EPS15: variants seen among roughly 807,000 people sequenced by gnomAD.
EPS15 encodes epidermal growth factor receptor pathway substrate 15.
In EPS15, 72 loss-of-function variants were observed where a neutral mutation model predicts 113.8. The observed-to-expected ratio is 0.63, with a 90% confidence interval of 0.52 to 0.77. EPS15 has a LOEUF of 0.77. Ranked by LOEUF, EPS15 falls within the 30% of genes least tolerant of loss-of-function variation. The pLI, the probability that EPS15 is intolerant of heterozygous loss-of-function variation, is 0.00. For synonymous variants in EPS15, 344 were observed against 363.4 expected, an observed-to-expected ratio of 0.95 and a Z score of 0.61; for missense variants, 1,048 against 1,045.8, an observed-to-expected ratio of 1.00 and a Z score of -0.03.
chr1:51,428,826 C>CA (rs902706524), intron 12 of EPS15, among the ~76,000 whole-genome samples: 6,768 of 52,626 alleles, frequency 0.13, 441 homozygotes, highest in Admixed American at 0.16. Context: ...GACTCCATCT[C>CA]AAAAAAAAAA....
chr1:51,453,612 G>T (rs1225887749), intron 8 of EPS15, among the ~76,000 whole-genome samples: 4 of 151,996 alleles, frequency 2.6e-5, no homozygotes, highest in Non-Finnish European at 5.9e-5. Context: ...ACTTAAGGAA[G>T]AAGCATTTAG....
intron 13 of EPS15, among the ~76,000 whole-genome samples, chr1:51,417,049 C>T (rs1448763935): frequency 2.0e-5 from 3 of 151,922 alleles, no homozygotes; most frequent in Non-Finnish European, 4.4e-5. Context: ...TAGAAAACCC[C>T]ATTAACAGAC....
At chr1:51,403,348 T>G in intron 17 of EPS15, 71 bp downstream of exon 17, 1 of 779,798 alleles carries the variant, frequency 1.3e-6, no homozygotes, top group Non-Finnish European at 2.2e-6. Flanking sequence ...TTAAGTAATG[T>G]CTGATAATTC....
chr1:51,458,415 A>C (rs1373499460), intron 8 of EPS15: 2 of 272,546 alleles, frequency 7.3e-6, no homozygotes, highest in African/African-American at 4.7e-5. Flanking sequence ...AAATGATGAC[A>C]CTACTATTCC....
intron 14 of EPS15, among the ~76,000 whole-genome samples, chr1:51,408,761 G>T (rs1649391930): frequency 1.3e-5 from 2 of 150,912 alleles, no homozygotes; most frequent in South Asian, 4.2e-4. Flanking sequence ...TCGAGTAGGT[G>T]GGATTACAGA....
chr1:51,454,734 T>G (rs988828403), intron 8 of EPS15, among the ~76,000 whole-genome samples: 3 of 152,178 alleles, frequency 2.0e-5, no homozygotes, highest in South Asian at 4.1e-4. Flanking sequence ...GATTGGATCC[T>G]GTGACAGAAA....
chr1:51,420,582 A>C (rs543232663), intron 13 of EPS15, among the ~76,000 whole-genome samples: 1 of 152,272 alleles, frequency 6.6e-6, no homozygotes, highest in East Asian at 1.9e-4. Flanking sequence ...ATTTCCTAAG[A>C]AGCTCAAAAA....
intron 21 of EPS15, among the ~76,000 whole-genome samples, chr1:51,367,426 G>A (rs548570942): frequency 1.3e-5 from 2 of 152,186 alleles, no homozygotes; most frequent in Admixed American, 6.5e-5. Context: ...GGTGGTGCGT[G>A]CCTGTAATAT....
intron 12 of EPS15, 38 bp downstream of exon 12, chr1:51,440,309 G>GTA: frequency 1.4e-6 from 1 of 739,886 alleles, no homozygotes; most frequent in East Asian, 2.5e-5. Context: ...GTGTGTGTGT[G>GTA]TGTGTATGTG....
intron 21 of EPS15, 41 bp from the exon 22 acceptor site, chr1:51,366,070 AC>A: frequency 6.8e-7 from 1 of 1,465,440 alleles, no homozygotes; most frequent in Non-Finnish European, 9.4e-7. Context: ...GGACAGTAAG[AC>A]ATTTTTTTTT....
rs1264896536 is a variant in EPS15 at position 51,358,533 on chromosome 1, T to C, written c.2545-1687A>G. Among the ~76,000 whole-genome samples the C allele has an allele frequency of 2.0e-5, 3 of 152,166 alleles. No individual in the cohort carries two copies. In the East Asian group the frequency reaches 5.8e-4, roughly 29 times the overall value. ...GTCAGGCTTTTGAAATGGTAGTTTT[T>C]TTCCCTAGGGAATTAAGCAAAACTT... On this transcript the variant is annotated intron_variant, in intron 24 of 24. Transcript: ENST00000371733.
chr1:51,378,183 C>T (rs1646849188), intron 21 of EPS15, among the ~76,000 whole-genome samples: 1 of 151,188 alleles, frequency 6.6e-6, no homozygotes, highest in African/African-American at 2.5e-5. Context: ...AGGTGTGAGC[C>T]ACTGTGCCCG....
At chr1:51,519,107 T>C (rs1644792742) in intron 1 of EPS15, 92 bp downstream of exon 1, 3 of 880,328 alleles carry the variant, frequency 3.4e-6, no homozygotes, top group Non-Finnish European at 4.9e-6. Flanking sequence ...AGCTGCCTGC[T>C]TGGCCCACAA....
At chr1:51,376,112 A>C (rs1646791490) in intron 21 of EPS15, among the ~76,000 whole-genome samples, 1 of 152,250 alleles carries the variant, frequency 6.6e-6, no homozygotes, top group Admixed American at 6.5e-5. Flanking sequence ...GCTAAAGAGA[A>C]GTCAATGTCT....
At chr1:51,419,861 A>C (rs1297671431) in intron 13 of EPS15, among the ~76,000 whole-genome samples, 1 of 152,120 alleles carries the variant, frequency 6.6e-6, no homozygotes, top group Non-Finnish European at 1.5e-5. Context: ...AGAAAATTGA[A>C]AATGATCACT....
At chr1:51,416,501 G>A (rs751061384) in intron 13 of EPS15, among the ~76,000 whole-genome samples, 3 of 152,284 alleles carry the variant, frequency 2.0e-5, no homozygotes, top group Non-Finnish European at 2.9e-5. Flanking sequence ...AAGGATATTT[G>A]AGCTGGCAAT....
chr1:51,384,755 A>T (rs981646063), intron 21 of EPS15, among the ~76,000 whole-genome samples: 18 of 152,234 alleles, frequency 1.2e-4, no homozygotes, highest in Non-Finnish European at 4.4e-5. Context: ...AACCATATAG[A>T]TCAATGGAAC....
At chr1:51,446,917 A>T in intron 10 of EPS15, 43 bp downstream of exon 10, 1 of 1,505,440 alleles carries the variant, frequency 6.6e-7, no homozygotes, top group Non-Finnish European at 9.0e-7. Flanking sequence ...TGGAATTGAT[A>T]CAAAACCATA....
chr1:51,363,143 C>G (rs1205821546), intron 23 of EPS15, among the ~76,000 whole-genome samples: 1 of 151,698 alleles, frequency 6.6e-6, no homozygotes, highest in African/African-American at 2.4e-5. Context: ...GCTAAAAATA[C>G]AAAAATTAGC....
Sources: allele counts gnomAD v4.1 joint callset (sites outside exome capture counted in the v4.1 genomes callset), GRCh38; gene constraint gnomAD v4.1.1; transcripts MANE v1.5; gene names NCBI Gene and HGNC (gene_info 2026-07-23, HGNC 2026-07-21).